Variants in NRXN1 observed in about 807,000 individuals in gnomAD.
NRXN1 encodes the protein neurexin-1.
Under a neutral mutation model 150.9 loss-of-function variants are expected in NRXN1, and 39 were observed. The observed-to-expected ratio is 0.26, with a 90% CI of 0.20 to 0.34. The LOEUF (loss-of-function observed/expected upper bound fraction) is 0.34, where lower values mean the gene tolerates loss of function less well. NRXN1 is among the 10% of genes least tolerant of loss of function. NRXN1 has a pLI of 1.00. For missense variants in NRXN1, 1,815 were observed against 1,949.9 expected (o/e 0.93, Z 1.30); for synonymous variants, 924 against 757.0 (o/e 1.22, Z -3.62).
chr2:50,829,311 G>C (rs1216693833), intron 5 of NRXN1: 1 of 637,516 alleles, frequency 1.6e-6, no homozygotes, highest in Non-Finnish European at 2.8e-6. Flanking sequence ...TGTATTTTTA[G>C]TAGAGATGGG....
chr2:50,522,558 C>G (rs2092816852), intron 12 of NRXN1, among the ~76,000 whole-genome samples: 1 of 151,998 alleles, frequency 6.6e-6, no homozygotes, highest in African/African-American at 2.4e-5. Flanking sequence ...CTAAAATAGA[C>G]CAAAGCAATC....
chr2:50,717,133 G>T (rs1009403694), intron 5 of NRXN1, among the ~76,000 whole-genome samples: 3 of 152,034 alleles, frequency 2.0e-5, no homozygotes, highest in African/African-American at 7.2e-5. Context: ...GTATCCTCTG[G>T]TGTCTAGTAC....
At chr2:50,495,541 T>C (rs573358188) in intron 15 of NRXN1, among the ~76,000 whole-genome samples, 25 of 152,068 alleles carry the variant, frequency 1.6e-4, no homozygotes, top group Non-Finnish European at 3.7e-4. Flanking sequence ...TAATAAGCTC[T>C]ATAATAAGCT....
chr2:50,259,184 C>A (rs1367862084), intron 17 of NRXN1, among the ~76,000 whole-genome samples: 1 of 151,878 alleles, frequency 6.6e-6, no homozygotes, highest in Admixed American at 6.6e-5. Flanking sequence ...GAAGAAGATA[C>A]CTACATGGCA....
chr2:50,408,745 C>T (rs974064472), intron 17 of NRXN1, among the ~76,000 whole-genome samples: 1 of 152,114 alleles, frequency 6.6e-6, no homozygotes, highest in African/African-American at 2.4e-5. Context: ...CCTCTGCATT[C>T]CCTATTGCCA....
At chr2:50,559,278 G>T (rs1199488188) in intron 8 of NRXN1, among the ~76,000 whole-genome samples, 2 of 152,160 alleles carry the variant, frequency 1.3e-5, no homozygotes, top group African/African-American at 2.4e-5. Flanking sequence ...CAGATAAATT[G>T]CATTTGCTTT....
intron 5 of NRXN1, among the ~76,000 whole-genome samples, chr2:50,909,496 T>C (rs1006086480): frequency 6.6e-6 from 1 of 152,036 alleles, no homozygotes; most frequent in African/African-American, 2.4e-5. Flanking sequence ...TTCACAATTA[T>C]ACTGATTTAA....
At chr2:50,301,442 C>T (rs937473571) in intron 17 of NRXN1, among the ~76,000 whole-genome samples, 1 of 152,218 alleles carries the variant, frequency 6.6e-6, no homozygotes, top group Non-Finnish European at 1.5e-5. Flanking sequence ...CAACATCATA[C>T]ATTTAACATA....
At chr2:50,223,557 T>C (rs2064086428) in intron 18 of NRXN1, among the ~76,000 whole-genome samples, 1 of 151,988 alleles carries the variant, frequency 6.6e-6, no homozygotes, top group African/African-American at 2.4e-5. Context: ...CTCTGCGTAA[T>C]AGGGCTAAAA....
At position 49,936,721 on chromosome 2, in the gene NRXN1, TAAA is replaced by T. The variant is rs35706467; in HGVS notation, c.4216+6980_4216+6982del. Among the ~76,000 whole-genome samples the T allele has an allele frequency of 1.4e-3, 194 of 141,882 alleles. 2 individuals are homozygous for T. Among genetic ancestry groups the T allele is most frequent in the Middle Eastern group, 3.8e-3 (1 of 266 alleles). The allele number at this position is 141,882 out of a possible 152,430, so 93.1% of individuals were successfully genotyped here. ...TAAAGTGTAGCAACCATTATATTGT[TAAA>T]AAAAAAAAAAAGTTCAAACCTCAGA... is the stretch of plus-strand genomic sequence containing the variant. On this transcript the variant is annotated intron_variant, in intron 22 of 22. Coordinates refer to ENST00000401669, the MANE Select transcript of NRXN1 (RefSeq NM_001330078.2).
At chr2:51,027,145 G>C (rs979084331) in intron 2 of NRXN1, among the ~76,000 whole-genome samples, 1 of 152,188 alleles carries the variant, frequency 6.6e-6, no homozygotes, top group African/African-American at 2.4e-5. Context: ...AAGTGGTAGA[G>C]ACAAGTACAG....
At chr2:50,759,604 G>T (rs561725416) in intron 5 of NRXN1, among the ~76,000 whole-genome samples, 2 of 151,928 alleles carry the variant, frequency 1.3e-5, no homozygotes, top group South Asian at 4.1e-4. Context: ...CTGTGAGAGC[G>T]CAAGACATAA....
At chr2:49,953,774 C>A (rs1674414904) in intron 21 of NRXN1, among the ~76,000 whole-genome samples, 1 of 151,724 alleles carries the variant, frequency 6.6e-6, no homozygotes, top group South Asian at 2.1e-4. Flanking sequence ...TAAAAGTGCC[C>A]ACGATGCAGT....
chr2:50,764,700 T>C (rs114948976), intron 5 of NRXN1, among the ~76,000 whole-genome samples: 2,172 of 152,040 alleles, frequency 0.014, 31 homozygotes, highest in South Asian at 0.041. Context: ...AGAGAGATTA[T>C]GACACATTGT....
In NRXN1 at chr2:50,390,398, C is replaced by A. The variant is rs1012739065; in HGVS notation, c.3364+75044G>T. Among the ~76,000 whole-genome samples, 5 of 152,176 alleles carry A rather than the reference C, an allele frequency of 3.3e-5. No homozygotes were observed. In the South Asian group the frequency reaches 8.3e-4, roughly 25 times the overall value. ...GAAAACTTATAATTTAAGAGAAGAT[C>A]TTTTTGTGAATTTAGGAACTTATTC... On this transcript the variant is annotated intron_variant, in intron 17 of 22. Transcript: ENST00000401669.
At position 50,965,539 on chromosome 2, in the gene NRXN1, C is replaced by T. The variant is rs1693923201; in HGVS notation, c.773-39584G>A. On this transcript the variant is annotated intron_variant, in intron 2 of 22. Coordinates refer to ENST00000401669, the MANE Select transcript of NRXN1 (RefSeq NM_001330078.2). ...ATGTTATTAAAACTTAAATACTTAA[C>T]ATGTAATTTAGAATAATTATCTAAT... 2.0e-5 allele frequency among the ~76,000 whole-genome samples: 3 copies of T among 151,458 alleles called. No individual in the cohort carries two copies. The Admixed American group carries it at 2.0e-4, about 10-fold the overall frequency.
At chr2:50,156,439 A>T (rs2059026205) in intron 18 of NRXN1, among the ~76,000 whole-genome samples, 1 of 151,820 alleles carries the variant, frequency 6.6e-6, no homozygotes, top group African/African-American at 2.4e-5. Flanking sequence ...TTCTTACTTT[A>T]TTTTTTGTCC....
At chr2:50,956,038 A>G (rs1175666601) in intron 2 of NRXN1, among the ~76,000 whole-genome samples, 5 of 152,150 alleles carry the variant, frequency 3.3e-5, no homozygotes, top group African/African-American at 7.2e-5. Flanking sequence ...TTGAGGTATG[A>G]TTCTTTTTTA....
intron 16 of NRXN1, among the ~76,000 whole-genome samples, chr2:50,470,939 G>T (rs973649990): frequency 2.0e-5 from 3 of 151,740 alleles, no homozygotes; most frequent in East Asian, 1.9e-4. Context: ...TTAGCCTGGG[G>T]TGATACAAGA....
Sources: allele counts gnomAD v4.1 joint callset (sites outside exome capture counted in the v4.1 genomes callset), GRCh38; gene constraint gnomAD v4.1.1; transcripts MANE v1.5; gene names NCBI Gene and HGNC (gene_info 2026-07-23, HGNC 2026-07-21).